The following TTC39C variants were observed in gnomAD, a reference collection of about 807,000 sequenced individuals.
TTC39C encodes tetratricopeptide repeat protein 39C.
TTC39C carries 33 observed loss-of-function variants against 76.3 expected under a neutral mutation model. That is an observed-to-expected ratio of 0.43 (90% CI 0.33 to 0.58). TTC39C has a LOEUF of 0.58. Among genes scored for constraint, TTC39C ranks in the 20% least tolerant of loss-of-function variants. TTC39C has a pLI of 0.04. For missense variants in TTC39C, 595 were observed against 701.4 expected, an observed-to-expected ratio of 0.85 and a Z score of 1.71; for synonymous variants, 254 against 260.6, an observed-to-expected ratio of 0.97 and a Z score of 0.24.
At chr18:24,016,457 G>T (rs1054451003) in intron 1 of TTC39C, among the ~76,000 whole-genome samples, 1 of 152,182 alleles carries the variant, frequency 6.6e-6, no homozygotes, top group Non-Finnish European at 1.5e-5. Flanking sequence ...ATGAGAGAAG[G>T]ATGGAGATAG....
intron 6 of TTC39C, among the ~76,000 whole-genome samples, chr18:24,090,385 C>T (rs1370399714): frequency 6.6e-6 from 1 of 152,138 alleles, no homozygotes; most frequent in East Asian, 1.9e-4. Context: ...ATCTACTCTA[C>T]CCCATAGTTT....
intron 4 of TTC39C, among the ~76,000 whole-genome samples, chr18:24,075,250 G>A (rs1443422850): frequency 1.3e-5 from 2 of 151,796 alleles, no homozygotes; most frequent in East Asian, 3.9e-4. Context: ...GTATACATAC[G>A]TAACAAACCT....
intron 1 of TTC39C, among the ~76,000 whole-genome samples, chr18:24,033,984 A>T: frequency 6.6e-6 from 1 of 152,264 alleles, no homozygotes; most frequent in East Asian, 1.9e-4. Context: ...TTGGAATGAT[A>T]TCTAAATGGA....
In TTC39C at chr18:24,130,345, T is replaced by C. The variant is rs2085108874; in HGVS notation, c.1551T>C (p.Cys517=). 1 of 1,591,702 alleles carries C rather than the reference T, an allele frequency of 6.3e-7. No individual in the cohort carries two copies. The highest frequency in any genetic ancestry group is 8.5e-7 in the Non-Finnish European group (1 of 1,170,714). ...AGCGAGCTGTTAAAGATGAATTGTG[T>C]CGTCAGAATAACTTATATGTTCAGC... The part of the protein sequence containing the change: ...YFQRAVKDEL[C]RQNNLYVQPY... The change falls in exon 12 of 14, where the codon TGT becomes TGC. Residue 517 remains cysteine (C), a synonymous_variant. Transcript: ENST00000317571.
Position 24,134,060 on chromosome 18 carries a change from T to G in TTC39C, c.*1486T>G, listed in dbSNP as rs923092131. On this transcript the variant is annotated 3_prime_UTR_variant, in exon 14 of 14. Transcript: ENST00000317571. ...ATTTTGGCTAAACAGTATTCATATTTCTTCATCTCTGTTACTGACCACTTT... is the reference window on the plus strand; with the variant it reads ...ATTTTGGCTAAACAGTATTCATATTGCTTCATCTCTGTTACTGACCACTTT... The G allele has an allele frequency of 6.5e-6, 1 of 154,552 alleles. No individual in the cohort carries two copies. Among genetic ancestry groups the G allele is most frequent in the East Asian group, 1.9e-4 (1 of 5,196 alleles). The allele number at this position is 154,552 out of a possible 1,614,324, so 9.6% of individuals were successfully genotyped here. A position where few individuals can be genotyped will look rare whatever the true frequency, so the allele number is the denominator to read the frequency against.
rs184127695 is a variant in TTC39C, at chr18:24,092,025, G to A, written c.984+8944G>A. Among the ~76,000 whole-genome samples, 545 of 140,156 alleles carry A rather than the reference G, an allele frequency of 3.9e-3. 6 individuals are homozygous for A. The highest frequency in any genetic ancestry group is 0.013 in the African/African-American group (489 of 38,386). The allele number at this position is 140,156 out of a possible 152,430, so 91.9% of individuals were successfully genotyped here. On this transcript the variant is annotated intron_variant, in intron 6 of 13. Transcript: ENST00000317571. ...GGAGAATGGTGTGAACCTTGAAGGC[G>A]GAGCTTGCAGTGAACCAAGATCGCA...
intron 1 of TTC39C, among the ~76,000 whole-genome samples, chr18:24,048,055 A>G (rs1231378671): frequency 6.6e-6 from 1 of 152,248 alleles, no homozygotes; most frequent in Non-Finnish European, 1.5e-5. Context: ...TTTCTCAAAT[A>G]TAATCACAGT....
intron 9 of TTC39C, among the ~76,000 whole-genome samples, chr18:24,125,143 T>G (rs2085033145): frequency 6.6e-6 from 1 of 152,184 alleles, no homozygotes; most frequent in Non-Finnish European, 1.5e-5. Flanking sequence ...CTGCCTGCCT[T>G]GGCCTCCCAA....
chr18:24,086,596 C>T (rs73404268), intron 6 of TTC39C, among the ~76,000 whole-genome samples: 21,119 of 152,048 alleles, frequency 0.14, 2,203 homozygotes, highest in African/African-American at 0.29. Context: ...TGGTGAGGTC[C>T]GTTTGCACCC....
At chr18:24,031,450 T>G (rs1274538887) in intron 1 of TTC39C, among the ~76,000 whole-genome samples, 1 of 152,228 alleles carries the variant, frequency 6.6e-6, no homozygotes. Context: ...TTTCTAGCCC[T>G]GATCTTCTTC....
chr18:24,002,353 T>G (rs1255953093), intron 1 of TTC39C, among the ~76,000 whole-genome samples: 1 of 152,066 alleles, frequency 6.6e-6, no homozygotes, highest in Non-Finnish European at 1.5e-5. Context: ...CTAAAAGAAG[T>G]GGGGTGGGAT....
intron 1 of TTC39C, among the ~76,000 whole-genome samples, chr18:24,034,085 A>C (rs2083706160): frequency 6.6e-6 from 1 of 152,216 alleles, no homozygotes; most frequent in African/African-American, 2.4e-5. Context: ...GAGTTTATTA[A>C]ACATAAAGGA....
At chr18:24,107,891 G>T (rs576539967) in intron 6 of TTC39C, among the ~76,000 whole-genome samples, 99 of 145,352 alleles carry the variant, frequency 6.8e-4, no homozygotes, top group African/African-American at 2.7e-3. Flanking sequence ...CCCAAGTAGG[G>T]GGGGGGGTAC....
intron 3 of TTC39C, among the ~76,000 whole-genome samples, chr18:24,068,253 G>C (rs2084192679): frequency 6.6e-6 from 1 of 152,240 alleles, no homozygotes; most frequent in South Asian, 2.1e-4. Flanking sequence ...TATGACAAAC[G>C]AGGAAACAGA....
At position 24,118,118 on chromosome 18, in the gene TTC39C, T is replaced by G. The variant is rs575594567; in HGVS notation, c.1079-7T>G. ...AGGGTCATGTGCTAAAAATATTTCTTTCATAGGTTGGTGCAGCATGATAGA... is the reference window on the plus strand; with the variant it reads ...AGGGTCATGTGCTAAAAATATTTCTGTCATAGGTTGGTGCAGCATGATAGA... On this transcript the variant is annotated splice_region_variant and splice_polypyrimidine_tract_variant and intron_variant, in intron 7 of 13. Coordinates refer to ENST00000317571, the MANE Select transcript of TTC39C (RefSeq NM_001135993.2). The G allele has an allele frequency of 6.2e-6, 10 of 1,611,492 alleles. No individual in the cohort carries two copies. Among genetic ancestry groups the G allele is most frequent in the Non-Finnish European group, 8.5e-6 (10 of 1,178,750 alleles).
At chr18:24,076,125 T>C (rs2084304588) in intron 4 of TTC39C, among the ~76,000 whole-genome samples, 1 of 152,128 alleles carries the variant, frequency 6.6e-6, no homozygotes, top group Admixed American at 6.5e-5. Context: ...TACAGGCACC[T>C]GCCACCAAGC....
Position 24,132,781 on chromosome 18 carries a change from A to G in TTC39C, c.*207A>G. 4.4e-6 allele frequency: 2 copies of G among 451,376 alleles called. No homozygotes were observed. Among genetic ancestry groups the G allele is most frequent in the Non-Finnish European group, 7.8e-6 (2 of 257,354 alleles). The allele number at this position is 451,376 out of a possible 1,614,324, so 28.0% of individuals were successfully genotyped here. A position where few individuals can be genotyped will look rare whatever the true frequency, so the allele number is the denominator to read the frequency against. On this transcript the variant is annotated 3_prime_UTR_variant, in exon 14 of 14. Transcript: ENST00000317571. ...AATAATGATGTTGAGGAGGATGATG[A>G]TGGTAATAATAACTAACCACCTGGG...
At chr18:24,045,344 C>CA (rs1367921012) in intron 1 of TTC39C, among the ~76,000 whole-genome samples, 1 of 150,664 alleles carries the variant, frequency 6.6e-6, no homozygotes, top group Non-Finnish European at 1.5e-5. Flanking sequence ...ACAAGGGGGC[C>CA]AGGGGGGATT....
intron 1 of TTC39C, among the ~76,000 whole-genome samples, chr18:24,039,132 G>A (rs2083763477): frequency 1.3e-5 from 2 of 152,152 alleles, no homozygotes; most frequent in Non-Finnish European, 2.9e-5. Context: ...TGTAAGGTGG[G>A]TACTGTCATT....
Sources: gnomAD v4.1 joint callset for allele counts (sites outside exome capture counted in the v4.1 genomes callset) on GRCh38, gnomAD v4.1.1 for gene constraint, MANE v1.5 for transcripts, NCBI Gene and HGNC (gene_info 2026-07-23, HGNC 2026-07-21) for gene names.